FAM3C: variants seen among roughly 807,000 people sequenced by gnomAD.
The protein encoded by FAM3C is protein FAM3C.
A neutral mutation model predicts 32.5 loss-of-function variants in FAM3C; 15 were observed. The ratio of observed to expected loss-of-function variants is 0.46; its 90% CI spans 0.31 to 0.71. The LOEUF (loss-of-function observed/expected upper bound fraction) is 0.71, where lower values mean the gene tolerates loss of function less well. FAM3C is among the 30% of genes least tolerant of loss of function. The probability of loss-of-function intolerance (pLI) is 0.05; values close to 1 mark genes in which losing one functional copy is unlikely to be tolerated. For missense variants in FAM3C, 175 were observed against 274.4 expected, an observed-to-expected ratio of 0.64 and a Z score of 2.56; for synonymous variants, 75 against 86.1, an observed-to-expected ratio of 0.87 and a Z score of 0.72.
chr7:121,367,146 T>C (rs1290507500), intron 5 of FAM3C, among the ~76,000 whole-genome samples: 1 of 152,226 alleles, frequency 6.6e-6, no homozygotes, highest in Non-Finnish European at 1.5e-5. Flanking sequence ...TAACACAAGT[T>C]GAAATATTTT....
intron 3 of FAM3C, among the ~76,000 whole-genome samples, chr7:121,376,302 G>A (rs1429184495): frequency 6.6e-6 from 1 of 152,192 alleles, no homozygotes; most frequent in African/African-American, 2.4e-5. Context: ...GGAGGATTCT[G>A]TTACTGGAAA....
At chr7:121,374,280 A>G (rs1794201110) in intron 3 of FAM3C, among the ~76,000 whole-genome samples, 2 of 152,232 alleles carry the variant, frequency 1.3e-5, no homozygotes, top group South Asian at 4.1e-4. Context: ...AAACAATACA[A>G]TTATCTCAAA....
rs1251080340 is a variant in FAM3C, at chr7:121,372,122, T to C, written c.136A>G (p.Thr46Ala). The change falls in exon 4 of 10, where the codon ACA becomes GCA. Residue 46 changes from threonine to alanine, a missense_variant. Coordinates refer to ENST00000359943, the MANE Select transcript of FAM3C (RefSeq NM_014888.3). ...ATGAAATACTTACAACGTGCAGCTG[T>C]GTCCAATGCTGATCTTGCTGAAAAA... is the stretch of plus-strand genomic sequence containing the variant. ...GNLFARSALD[T>A]AARSTKPPRY... The C allele has an allele frequency of 6.2e-7, 1 of 1,602,530 alleles. No homozygotes were observed. The highest frequency in any genetic ancestry group is 1.3e-5 in the African/African-American group (1 of 74,414).
chr7:121,361,553 T>A (rs542205797), intron 7 of FAM3C, among the ~76,000 whole-genome samples: 2 of 152,370 alleles, frequency 1.3e-5, no homozygotes, highest in South Asian at 4.1e-4. Flanking sequence ...TTTCTATCAA[T>A]AAATTTTGGC....
At chr7:121,382,806 G>C in intron 2 of FAM3C, 151 bp downstream of exon 2, 1 of 567,400 alleles carries the variant, frequency 1.8e-6, no homozygotes, top group Non-Finnish European at 3.0e-6. Flanking sequence ...TTTGTGATTT[G>C]CCAACTACCT....
chr7:121,381,316 TA>T (rs1379159597), intron 2 of FAM3C, among the ~76,000 whole-genome samples: 1 of 152,104 alleles, frequency 6.6e-6, no homozygotes, highest in African/African-American at 2.4e-5. Context: ...CAGATTTTTT[TA>T]AAAAAATTAG....
At chr7:121,381,191 T>A (rs1453805965) in intron 2 of FAM3C, among the ~76,000 whole-genome samples, 2 of 152,148 alleles carry the variant, frequency 1.3e-5, no homozygotes, top group Non-Finnish European at 2.9e-5. Context: ...TTCCTCCTAG[T>A]CACAGACTGC....
chr7:121,374,492 A>G (rs961044132), intron 3 of FAM3C, among the ~76,000 whole-genome samples: 3 of 152,220 alleles, frequency 2.0e-5, no homozygotes, highest in Non-Finnish European at 2.9e-5. Flanking sequence ...AATCACCAAA[A>G]GAACTATTTA....
chr7:121,355,551 G>A (rs1263214571), intron 8 of FAM3C, among the ~76,000 whole-genome samples: 1 of 152,180 alleles, frequency 6.6e-6, no homozygotes, highest in Non-Finnish European at 1.5e-5. Flanking sequence ...GTAAAGCCAA[G>A]TTAACGTCAT....
At chr7:121,382,804 T>C (rs1434685312) in intron 2 of FAM3C, among the ~76,000 whole-genome samples, 153 bp downstream of exon 2, 1 of 152,118 alleles carries the variant, frequency 6.6e-6, no homozygotes, top group Non-Finnish European at 1.5e-5. Flanking sequence ...AATTTGTGAT[T>C]TGCCAACTAC....
intron 5 of FAM3C, among the ~76,000 whole-genome samples, chr7:121,366,414 T>C (rs1398434010): frequency 6.6e-6 from 1 of 152,130 alleles, no homozygotes; most frequent in Non-Finnish European, 1.5e-5. Context: ...GAAAACATTA[T>C]GGTAAGAAGC....
chr7:121,376,640 A>C (rs1261124743), intron 3 of FAM3C, among the ~76,000 whole-genome samples: 1 of 152,212 alleles, frequency 6.6e-6, no homozygotes, highest in Non-Finnish European at 1.5e-5. Flanking sequence ...ATGTTCAAAA[A>C]GTTTCAGATT....
chr7:121,359,768 A>G (rs1437336628), intron 8 of FAM3C, among the ~76,000 whole-genome samples: 1 of 152,088 alleles, frequency 6.6e-6, no homozygotes, highest in Non-Finnish European at 1.5e-5. Flanking sequence ...AAGAATATTA[A>G]TGCTAGGAAA....
At position 121,352,695 on chromosome 7, in the gene FAM3C, T is replaced by A. The variant is rs530504465; in HGVS notation, c.468-1426A>T. 1.2e-4 allele frequency among the ~76,000 whole-genome samples: 18 copies of A among 152,334 alleles called. No individual in the cohort carries two copies. The South Asian group carries it at 2.1e-3, about 18-fold the overall frequency. ...CAGCTTCGTTTCCTGTGCCCATCCT[T>A]ACATGAATTATCCATCACTTTCCAC... On this transcript the variant is annotated intron_variant, in intron 8 of 9. Transcript: ENST00000359943.
At chr7:121,388,415 A>G (rs1447198899) in intron 1 of FAM3C, among the ~76,000 whole-genome samples, 2 of 152,072 alleles carry the variant, frequency 1.3e-5, no homozygotes, top group Non-Finnish European at 2.9e-5. Flanking sequence ...AAAGGAACAA[A>G]AACAAAATTG....
chr7:121,383,552 C>T lies in FAM3C; in HGVS notation c.-41-542G>A, dbSNP rs558018260. Reference sequence around the variant, plus strand: ...ATACCAGGGACCTCTTCATGTTTTTCGATTTAAGTTTGTAAAATAATATGT... The same window carrying T: ...ATACCAGGGACCTCTTCATGTTTTTTGATTTAAGTTTGTAAAATAATATGT... On this transcript the variant is annotated intron_variant, in intron 1 of 9. Transcript: ENST00000359943. 5.8e-4 allele frequency among the ~76,000 whole-genome samples: 88 copies of T among 152,172 alleles called. 1 individual carries two copies. Among genetic ancestry groups the T allele is most frequent in the African/African-American group, 2.0e-3 (83 of 41,512 alleles).
In FAM3C at chr7:121,350,556, G is replaced by A. The variant is rs1446790240; in HGVS notation, c.595-6C>T. ...TCCTTATTGTTCTTTATGTGCTATT[G>A]GAACACAGTAATAATATACAGTTTA... On this transcript the variant is annotated splice_region_variant and splice_polypyrimidine_tract_variant and intron_variant, in intron 9 of 9. Coordinates refer to ENST00000359943, the MANE Select transcript of FAM3C (RefSeq NM_014888.3). 14 of 1,612,402 alleles carry A rather than the reference G, an allele frequency of 8.7e-6. No individual in the cohort carries two copies. Among genetic ancestry groups the A allele is most frequent in the Non-Finnish European group, 1.2e-5 (14 of 1,179,122 alleles).
intron 1 of FAM3C, among the ~76,000 whole-genome samples, chr7:121,393,478 G>A (rs1443945482): frequency 6.6e-6 from 1 of 151,960 alleles, no homozygotes; most frequent in Non-Finnish European, 1.5e-5. Context: ...TCTGTTACAG[G>A]AATTTAATTT....
At chr7:121,389,647 T>C (rs1406414739) in intron 1 of FAM3C, among the ~76,000 whole-genome samples, 3 of 151,984 alleles carry the variant, frequency 2.0e-5, no homozygotes, top group African/African-American at 7.3e-5. Context: ...TTACCCCAAA[T>C]ATTGCCATTA....
Sources: allele counts gnomAD v4.1 joint callset (sites outside exome capture counted in the v4.1 genomes callset), GRCh38; gene constraint gnomAD v4.1.1; transcripts MANE v1.5; gene names NCBI Gene and HGNC (gene_info 2026-07-23, HGNC 2026-07-21).